Variants in GPR180 observed in about 807,000 individuals in gnomAD.
GPR180 encodes integral membrane protein GPR180.
A neutral mutation model predicts 52.6 loss-of-function variants in GPR180; 53 were observed. The observed-to-expected ratio is 1.01, with a 90% CI of 0.81 to 1.27. The LOEUF (loss-of-function observed/expected upper bound fraction) is 1.27. Among genes scored for constraint, GPR180 ranks in the 50% most tolerant of loss-of-function variants. The pLI is 0.00. For synonymous variants in GPR180, 200 were observed against 193.1 expected (o/e 1.04, Z -0.30); for missense variants, 533 against 527.0 (o/e 1.01, Z -0.11).
chr13:94,620,378 G>A (rs1015246576), intron 5 of GPR180, among the ~76,000 whole-genome samples: 37 of 152,166 alleles, frequency 2.4e-4, no homozygotes, highest in African/African-American at 8.9e-4. Flanking sequence ...GAAACTTGAA[G>A]CATTTATAGA....
intron 3 of GPR180, among the ~76,000 whole-genome samples, chr13:94,618,114 C>A (rs1349050583): frequency 6.6e-6 from 1 of 152,180 alleles, no homozygotes; most frequent in Non-Finnish European, 1.5e-5. Flanking sequence ...ACAAAGTCTG[C>A]ACATTCTTTG....
intron 3 of GPR180, among the ~76,000 whole-genome samples, chr13:94,618,166 C>T (rs1481586236): frequency 6.6e-6 from 1 of 152,188 alleles, no homozygotes; most frequent in Non-Finnish European, 1.5e-5. Flanking sequence ...GTAATTTCTA[C>T]TCCCTCAAAA....
At chr13:94,617,711 A>G (rs1889796505) in intron 3 of GPR180, among the ~76,000 whole-genome samples, 2 of 152,180 alleles carry the variant, frequency 1.3e-5, no homozygotes, top group Admixed American at 6.5e-5. Flanking sequence ...CATAATAGAA[A>G]TATTTTCTTC....
At chr13:94,624,195 C>A (rs1025186532) in intron 7 of GPR180, among the ~76,000 whole-genome samples, 1 of 152,132 alleles carries the variant, frequency 6.6e-6, no homozygotes, top group African/African-American at 2.4e-5. Flanking sequence ...CATTATAGAA[C>A]CTTCCCTCCC....
At chr13:94,616,404 G>C (rs986383660) in intron 3 of GPR180, among the ~76,000 whole-genome samples, 1 of 152,156 alleles carries the variant, frequency 6.6e-6, no homozygotes, top group Non-Finnish European at 1.5e-5. Context: ...TGGGGAGGCG[G>C]GAATGTCTGT....
chr13:94,608,447 T>G (rs1889661159), intron 2 of GPR180, among the ~76,000 whole-genome samples: 1 of 152,218 alleles, frequency 6.6e-6, no homozygotes, highest in Non-Finnish European at 1.5e-5. Flanking sequence ...GAATGGAAGA[T>G]AACAGGTAAC....
chr13:94,619,960 G>A (rs952351314), intron 5 of GPR180, among the ~76,000 whole-genome samples: 1 of 152,262 alleles, frequency 6.6e-6, no homozygotes, highest in Admixed American at 6.5e-5. Flanking sequence ...GGGCTTGAGG[G>A]ATCCACCCAC....
At chr13:94,620,247 AAC>A (rs1274140318) in intron 5 of GPR180, among the ~76,000 whole-genome samples, 1 of 152,216 alleles carries the variant, frequency 6.6e-6, no homozygotes, top group African/African-American at 2.4e-5. Context: ...TCTCTGTTAT[AAC>A]TGACTCTTTT....
chr13:94,619,875 T>C (rs1889830637), intron 5 of GPR180, among the ~76,000 whole-genome samples: 1 of 152,078 alleles, frequency 6.6e-6, no homozygotes, highest in Admixed American at 6.5e-5. Context: ...CATACCATCA[T>C]GCCTGGCTGA....
At position 94,601,860 on chromosome 13, in the gene GPR180, T is replaced by C. The variant is rs1471018696; in HGVS notation, c.-68T>C. The C allele has an allele frequency of 1.5e-6, 2 of 1,318,012 alleles. 1 individual carries two copies. Among genetic ancestry groups the C allele is most frequent in the South Asian group, 3.8e-5 (2 of 52,126 alleles). The allele number at this position is 1,318,012 out of a possible 1,614,324, so 81.6% of individuals were successfully genotyped here. On this transcript the variant is annotated 5_prime_UTR_variant, in exon 1 of 9. Coordinates refer to ENST00000376958, the MANE Select transcript of GPR180 (RefSeq NM_180989.6). ...CGGCGCCCACCCCGCCTCCCCCAGC[T>C]GCCGACGTGGGGCGGGCAGCCGCCG...
Position 94,621,249 on chromosome 13 carries a change from C to G in GPR180, c.894+14C>G. The G allele has an allele frequency of 6.4e-7, 1 of 1,555,542 alleles. No homozygotes were observed. The highest frequency in any genetic ancestry group is 8.6e-7 in the Non-Finnish European group (1 of 1,156,226). On this transcript the variant is annotated intron_variant, in intron 6 of 8. Transcript: ENST00000376958. ...GTCATGACACAGGTGGGTATTGATA[C>G]TCAGTGTTTCTGCTTAGTAATCCTC...
At chr13:94,620,892 A>C (rs1447111781) in intron 5 of GPR180, among the ~76,000 whole-genome samples, 186 bp from the exon 6 acceptor site, 1 of 151,962 alleles carries the variant, frequency 6.6e-6, no homozygotes, top group Non-Finnish European at 1.5e-5. Flanking sequence ...TACAAAATTT[A>C]TGGCAATTTT....
chr13:94,604,117 T>C (rs1164249546), intron 1 of GPR180, among the ~76,000 whole-genome samples: 1 of 152,164 alleles, frequency 6.6e-6, no homozygotes, highest in East Asian at 1.9e-4. Flanking sequence ...GTGGATCACC[T>C]GAGGTCAGGA....
intron 3 of GPR180, among the ~76,000 whole-genome samples, chr13:94,617,809 A>G (rs1034743208): frequency 2.6e-5 from 4 of 152,208 alleles, no homozygotes; most frequent in East Asian, 1.9e-4. Context: ...CATAGACTCA[A>G]TTAAGACAGC....
rs578005416 is a variant in GPR180 at position 94,609,552 on chromosome 13, G to A, written c.305-2638G>A. ...GGTTTTTTTTATATTTTATCTAAGA[G>A]AAAAAGGGCAAATGATAAAAATGGC... On this transcript the variant is annotated intron_variant, in intron 2 of 8. Transcript: ENST00000376958. 4.6e-5 allele frequency among the ~76,000 whole-genome samples: 7 copies of A among 152,010 alleles called. No individual in the cohort carries two copies. The East Asian group carries it at 1.3e-3, about 29-fold the overall frequency.
Position 94,612,205 on chromosome 13 carries a change from C to T in GPR180, c.320C>T (p.Thr107Ile), listed in dbSNP as rs1480419750. 3 of 1,614,002 alleles carry T rather than the reference C, an allele frequency of 1.9e-6. No homozygotes were observed. Among genetic ancestry groups the T allele is most frequent in the South Asian group, 2.2e-5 (2 of 91,074 alleles). The change falls in exon 3 of 9, where the codon ACC becomes ATC. Residue 107 changes from threonine (T) to isoleucine (I), a missense_variant. Coordinates refer to ENST00000376958, the MANE Select transcript of GPR180 (RefSeq NM_180989.6). ...KAQLTMTMNQ[T>I]EHNLTVSQIP... ...CTCTTTAAAGTGACCATGAACCAGA[C>T]CGAACATAATCTGACAGTGTCCCAG...
In GPR180 at chr13:94,633,127, T is replaced by C. The variant is rs1890021177; in HGVS notation, c.*5956T>C. The C allele has an allele frequency of 6.6e-6, 1 of 152,190 alleles. No homozygotes were observed. Among genetic ancestry groups the C allele is most frequent in the Non-Finnish European group, 1.5e-5 (1 of 68,052 alleles). 9.4% of individuals were successfully genotyped at this position (152,190 alleles called of 1,614,324 possible). ...TTGCTGAGTTCTGTGAGTTGTTCTA[T>C]TTAATTATAGAACCTGAAGGTATTG... On this transcript the variant is annotated 3_prime_UTR_variant, in exon 9 of 9. Transcript: ENST00000376958.
intron 5 of GPR180, among the ~76,000 whole-genome samples, chr13:94,620,515 T>C (rs184862804): frequency 1.2e-4 from 18 of 152,330 alleles, no homozygotes; most frequent in Admixed American, 1.1e-3. Context: ...CACTAATGCA[T>C]GGAGCTTCTC....
At chr13:94,612,065 A>G (rs1342195689) in intron 2 of GPR180, 125 bp from the exon 3 acceptor site, 5 of 688,428 alleles carry the variant, frequency 7.3e-6, no homozygotes, top group Middle Eastern at 3.5e-4. Flanking sequence ...ATACTACACA[A>G]GGTCTTGGAT....
Sources: allele counts gnomAD v4.1 joint callset (sites outside exome capture counted in the v4.1 genomes callset), GRCh38; gene constraint gnomAD v4.1.1; transcripts MANE v1.5; gene names NCBI Gene and HGNC (gene_info 2026-07-23, HGNC 2026-07-21).